CCDC83: variants seen among roughly 807,000 people sequenced by gnomAD.
CCDC83 encodes the protein coiled-coil domain containing 83.
A neutral mutation model predicts 50.1 loss-of-function variants in CCDC83; 54 were observed. That is an observed-to-expected ratio of 1.08 (90% confidence interval 0.87 to 1.35). CCDC83 has a LOEUF of 1.35. CCDC83 is among the 40% of genes most tolerant of loss of function. The pLI, the probability that CCDC83 is intolerant of heterozygous loss-of-function variation, is 0.00. For synonymous variants in CCDC83, 161 were observed against 153.3 expected (o/e 1.05, Z -0.37); for missense variants, 518 against 473.9 (o/e 1.09, Z -0.86).
At chr11:85,898,810 A>G in intron 6 of CCDC83, 137 bp from the exon 7 acceptor site, 1 of 677,982 alleles carries the variant, frequency 1.5e-6, no homozygotes, top group East Asian at 2.7e-5. Flanking sequence ...CAACCAAACC[A>G]AAAGTTCTTA....
chr11:85,857,839 C>T (rs1462463007), intron 1 of CCDC83, among the ~76,000 whole-genome samples: 2 of 152,144 alleles, frequency 1.3e-5, no homozygotes, highest in African/African-American at 2.4e-5. Context: ...CTGCAGGCTG[C>T]CATGAAGGGC....
chr11:85,909,208 G>A (rs2093440924), intron 7 of CCDC83, among the ~76,000 whole-genome samples: 1 of 152,160 alleles, frequency 6.6e-6, no homozygotes, highest in Non-Finnish European at 1.5e-5. Flanking sequence ...AATGCTTTAA[G>A]ATTCCTAAAT....
chr11:85,871,035 C>T (rs574274585), intron 2 of CCDC83, among the ~76,000 whole-genome samples: 3 of 151,944 alleles, frequency 2.0e-5, no homozygotes, highest in African/African-American at 4.8e-5. Flanking sequence ...GGTGTGGTGG[C>T]GTGTGCCTGT....
At chr11:85,916,414 A>G in intron 10 of CCDC83, 181 bp downstream of exon 10, 1 of 595,820 alleles carries the variant, frequency 1.7e-6, no homozygotes, top group Non-Finnish European at 3.0e-6. Context: ...ACTCTTGCCC[A>G]ATTTGCTACC....
At chr11:85,868,443 C>T (rs762010983) in intron 2 of CCDC83, among the ~76,000 whole-genome samples, 17 of 152,158 alleles carry the variant, frequency 1.1e-4, no homozygotes, top group Non-Finnish European at 1.5e-4. Context: ...GGCATGATCT[C>T]GGCTCACTAC....
intron 2 of CCDC83, among the ~76,000 whole-genome samples, chr11:85,872,590 A>G (rs1189405618): frequency 6.6e-6 from 1 of 152,158 alleles, no homozygotes; most frequent in Non-Finnish European, 1.5e-5. Context: ...CACATGTTTA[A>G]AGAGATACAC....
At chr11:85,905,440 C>T (rs1286028835) in intron 7 of CCDC83, among the ~76,000 whole-genome samples, 1 of 103,254 alleles carries the variant, frequency 9.7e-6, no homozygotes, top group Non-Finnish European at 2.0e-5. Flanking sequence ...GAAACTCCGC[C>T]TCAAAAAAAA....
chr11:85,919,272 TAAAG>T, intron 10 of CCDC83, 73 bp from the exon 11 acceptor site: 1 of 1,371,152 alleles, frequency 7.3e-7, no homozygotes, highest in Non-Finnish European at 1.0e-6. Context: ...CCAACTGTAA[TAAAG>T]AAAGCCTAAT....
intron 7 of CCDC83, 32 bp from the exon 8 acceptor site, chr11:85,911,249 T>C: frequency 6.5e-7 from 1 of 1,544,602 alleles, no homozygotes; most frequent in Non-Finnish European, 8.7e-7. Context: ...AATCAATAAG[T>C]ACCAACATTC....
chr11:85,870,470 C>T (rs528385486), intron 2 of CCDC83, among the ~76,000 whole-genome samples: 1 of 151,712 alleles, frequency 6.6e-6, no homozygotes, highest in South Asian at 2.1e-4. Flanking sequence ...ATTTATAATA[C>T]TTTTTTTTTA....
chr11:85,870,330 A>C (rs974365748), intron 2 of CCDC83, among the ~76,000 whole-genome samples: 1 of 152,186 alleles, frequency 6.6e-6, no homozygotes, highest in Non-Finnish European at 1.5e-5. Flanking sequence ...CAGTTTAACC[A>C]ATGAAGACCA....
chr11:85,900,198 C>T (rs531082083), intron 7 of CCDC83, among the ~76,000 whole-genome samples: 1 of 152,256 alleles, frequency 6.6e-6, no homozygotes, highest in South Asian at 2.1e-4. Flanking sequence ...AAGAGGGTTA[C>T]TTGATGATCT....
intron 5 of CCDC83, among the ~76,000 whole-genome samples, chr11:85,893,290 C>T (rs192536235): frequency 1.7e-4 from 26 of 152,324 alleles, no homozygotes; most frequent in African/African-American, 6.0e-4. Context: ...GCGTTTTCAT[C>T]TAATGGGAGA....
intron 5 of CCDC83, among the ~76,000 whole-genome samples, chr11:85,894,079 T>A (rs2093361912): frequency 6.6e-6 from 1 of 152,168 alleles, no homozygotes; most frequent in Admixed American, 6.6e-5. Context: ...AGAAATAAAG[T>A]GCATATGTAA....
At chr11:85,911,627 A>C (rs186677307) in intron 8 of CCDC83, among the ~76,000 whole-genome samples, 122 of 152,364 alleles carry the variant, frequency 8.0e-4, no homozygotes, top group Middle Eastern at 3.4e-3. Context: ...AACTGTAGTC[A>C]CAATAGCCAG....
intron 3 of CCDC83, among the ~76,000 whole-genome samples, chr11:85,880,770 C>G (rs2093295237): frequency 6.6e-6 from 1 of 152,030 alleles, no homozygotes; most frequent in South Asian, 2.1e-4. Flanking sequence ...AATATGCTGA[C>G]ATAGTTCGAG....
At chr11:85,865,651 A>G (rs112468922) in intron 2 of CCDC83, among the ~76,000 whole-genome samples, 24,487 of 152,080 alleles carry the variant, frequency 0.16, 2,161 homozygotes, top group Middle Eastern at 0.2. Flanking sequence ...CCTTTGGGAG[A>G]CCAAAGCAGG....
intron 6 of CCDC83, among the ~76,000 whole-genome samples, chr11:85,896,778 A>G (rs1228602473): frequency 1.4e-5 from 2 of 138,276 alleles, no homozygotes; most frequent in Non-Finnish European, 3.2e-5. Flanking sequence ...TTTTTTTTTT[A>G]ACAATCTTGA....
intron 7 of CCDC83, among the ~76,000 whole-genome samples, chr11:85,905,248 G>C (rs2093419657): frequency 6.6e-6 from 1 of 151,776 alleles, no homozygotes; most frequent in Admixed American, 6.6e-5. Flanking sequence ...TTCGAGACCA[G>C]CCTTACCAAC....
Sources: gnomAD v4.1 joint callset for allele counts (sites outside exome capture counted in the v4.1 genomes callset) on GRCh38, gnomAD v4.1.1 for gene constraint, MANE v1.5 for transcripts, NCBI Gene and HGNC (gene_info 2026-07-23, HGNC 2026-07-21) for gene names.